The following GRM5 variants were observed in gnomAD, a reference collection of about 807,000 sequenced individuals.
The protein encoded by GRM5 is glutamate metabotropic receptor 5.
A neutral mutation model predicts 83.1 loss-of-function variants in GRM5; 19 were observed. That is an observed-to-expected ratio of 0.23 (90% CI 0.16 to 0.34). The LOEUF (loss-of-function observed/expected upper bound fraction) is 0.34, where lower values mean the gene tolerates loss of function less well. Among genes scored for constraint, GRM5 ranks in the 10% least tolerant of loss-of-function variants. The pLI, the probability that GRM5 is intolerant of heterozygous loss-of-function variation, is 1.00. For synonymous variants in GRM5, 675 were observed against 633.6 expected, an observed-to-expected ratio of 1.07 and a Z score of -0.98; for missense variants, 1,160 against 1,588.3, an observed-to-expected ratio of 0.73 and a Z score of 4.58.
At position 88,505,604 on chromosome 11, in the gene GRM5, C is replaced by T. The variant is rs1941164855; in HGVS notation, c.*2988G>A. The T allele has an allele frequency of 2.0e-5, 3 of 152,218 alleles. No homozygotes were observed. The highest frequency in any genetic ancestry group is 2.0e-4 in the Admixed American group (3 of 15,280). 9.4% of individuals were successfully genotyped at this position (152,218 alleles called of 1,614,324 possible). Reference sequence around the variant, plus strand: ...CCCTAGCCCAGAAAGACGGTTCTTCCCAATCCAGATATGTTCTTCTTAGGC... The same window carrying T: ...CCCTAGCCCAGAAAGACGGTTCTTCTCAATCCAGATATGTTCTTCTTAGGC... On this transcript the variant is annotated 3_prime_UTR_variant, in exon 10 of 10. Transcript: ENST00000305447.
At chr11:88,819,577 T>C (rs1943750566) in intron 3 of GRM5, among the ~76,000 whole-genome samples, 1 of 152,244 alleles carries the variant, frequency 6.6e-6, no homozygotes, top group African/African-American at 2.4e-5. Flanking sequence ...GGCAATAGCA[T>C]GATTTGTCAT....
intron 3 of GRM5, among the ~76,000 whole-genome samples, chr11:88,717,867 A>G (rs995217403): frequency 1.1e-4 from 2 of 18,954 alleles, no homozygotes; most frequent in African/African-American, 1.9e-4. Flanking sequence ...TATAATAACT[A>G]TTTATAGTTA....
chr11:88,774,684 C>A (rs1942811438), intron 3 of GRM5, among the ~76,000 whole-genome samples: 1 of 152,174 alleles, frequency 6.6e-6, no homozygotes, highest in Admixed American at 6.5e-5. Context: ...TGATGAAGGT[C>A]TTTTCTGCAT....
chr11:88,786,349 C>A (rs944875749), intron 3 of GRM5, among the ~76,000 whole-genome samples: 5 of 152,080 alleles, frequency 3.3e-5, no homozygotes, highest in Admixed American at 1.3e-4. Context: ...GAGGTGGTAC[C>A]TCTGAGCTCA....
At chr11:88,990,720 A>G (rs1939933471) in intron 2 of GRM5, among the ~76,000 whole-genome samples, 2 of 151,496 alleles carry the variant, frequency 1.3e-5, no homozygotes, top group South Asian at 4.2e-4. Context: ...ACGCAAATCA[A>G]TAAACGTAAT....
intron 5 of GRM5, among the ~76,000 whole-genome samples, chr11:88,601,123 C>A (rs772265486): frequency 6.6e-6 from 1 of 152,128 alleles, no homozygotes; most frequent in African/African-American, 2.4e-5. Flanking sequence ...CTGAGATTTG[C>A]GTATGTCCTT....
chr11:88,946,718 A>T (rs1938294451), intron 2 of GRM5, among the ~76,000 whole-genome samples: 2 of 152,140 alleles, frequency 1.3e-5, no homozygotes, highest in South Asian at 4.1e-4. Flanking sequence ...TCTCTTCTGG[A>T]TCTGTCCATG....
Position 88,757,574 on chromosome 11 carries a change from AC to A in GRM5, c.911+92331del, listed in dbSNP as rs531185384. Among the ~76,000 whole-genome samples, 35 of 151,212 alleles carry A rather than the reference AC, an allele frequency of 2.3e-4. No homozygotes were observed. The South Asian group carries it at 6.9e-3, about 30-fold the overall frequency. ...ACAGACTTGTGCCCACCAGTGTCTC[AC>A]CCCCATCAATGTCCCACCCCCCTGC... is the stretch of plus-strand genomic sequence containing the variant. On this transcript the variant is annotated intron_variant, in intron 3 of 9. Transcript: ENST00000305447.
chr11:89,004,958 C>T (rs1940483745), intron 2 of GRM5, among the ~76,000 whole-genome samples: 1 of 152,186 alleles, frequency 6.6e-6, no homozygotes. Flanking sequence ...GGAAAAACAG[C>T]ATATGGGTTA....
intron 3 of GRM5, among the ~76,000 whole-genome samples, chr11:88,654,675 T>G (rs1205892752): frequency 6.6e-6 from 1 of 152,082 alleles, no homozygotes; most frequent in Non-Finnish European, 1.5e-5. Flanking sequence ...GGAAGAGATT[T>G]ACACTACCAA....
At chr11:88,540,838 C>T (rs1203431363) in intron 8 of GRM5, among the ~76,000 whole-genome samples, 1 of 152,010 alleles carries the variant, frequency 6.6e-6, no homozygotes, top group Non-Finnish European at 1.5e-5. Flanking sequence ...GCTCTGCCTC[C>T]TGGGTTCACG....
intron 4 of GRM5, among the ~76,000 whole-genome samples, chr11:88,614,735 C>G (rs2220674): frequency 2.0e-3 from 299 of 152,082 alleles, no homozygotes; most frequent in African/African-American, 6.8e-3. Context: ...CAAGATAGAC[C>G]TGCACAGCAG....
chr11:88,920,479 C>T (rs1428933668), intron 2 of GRM5, among the ~76,000 whole-genome samples: 2 of 147,564 alleles, frequency 1.4e-5, no homozygotes, highest in Non-Finnish European at 3.0e-5. Context: ...TAAATTCTAC[C>T]AAACACTTAT....
intron 1 of GRM5, among the ~76,000 whole-genome samples, chr11:89,055,298 G>A (rs979084514): frequency 2.0e-5 from 3 of 152,180 alleles, no homozygotes; most frequent in African/African-American, 7.2e-5. Context: ...GGCAATTGGA[G>A]TGACAGCAGT....
Position 88,597,231 on chromosome 11 carries a change from T to A in GRM5, c.1516A>T (p.Ile506Phe). Residue 506 changes from isoleucine to phenylalanine, a missense_variant, in exon 6 of 10, where the codon ATC becomes TTC. By Grantham distance (21) the Ile-to-Phe change is conservative. Around this residue, in one of 9 missense-constraint regions of GRM5, gnomAD observed 30 missense variants for 19.7 expected, o/e 1.52. Transcript: ENST00000305447. ...GGTTCACTGCACACAGATCTGATGA[T>A]GTTGCTTTTCTTGGACCATACTTCA... ...DDEVWSKKSNIIRSVCSEPCE... is the reference protein window; with the variant it reads ...DDEVWSKKSNFIRSVCSEPCE... 6.2e-7 allele frequency: 1 copy of A among 1,610,618 alleles called. No individual in the cohort carries two copies. The highest frequency in any genetic ancestry group is 1.1e-5 in the South Asian group (1 of 90,784).
intron 3 of GRM5, among the ~76,000 whole-genome samples, chr11:88,706,295 C>T (rs1941156521): frequency 6.6e-6 from 1 of 152,058 alleles, no homozygotes; most frequent in African/African-American, 2.4e-5. Flanking sequence ...CTCACCCTTC[C>T]TCACTCAAGA....
At chr11:88,795,143 T>C (rs192009812) in intron 3 of GRM5, among the ~76,000 whole-genome samples, 2 of 151,406 alleles carry the variant, frequency 1.3e-5, no homozygotes, top group African/African-American at 2.4e-5. Context: ...TTGAGAGGGA[T>C]TGAGATCTCC....
At chr11:88,833,451 G>A (rs1944034883) in intron 3 of GRM5, among the ~76,000 whole-genome samples, 1 of 151,698 alleles carries the variant, frequency 6.6e-6, no homozygotes, top group East Asian at 1.9e-4. Context: ...ACCCCAGTTA[G>A]AATGGCTATT....
chr11:88,659,106 A>G (rs759530112), intron 3 of GRM5, among the ~76,000 whole-genome samples: 6 of 152,192 alleles, frequency 3.9e-5, no homozygotes, highest in Non-Finnish European at 8.8e-5. Context: ...ATGAAGAGCC[A>G]TATTTATAAG....
Sources: gnomAD v4.1 joint callset for allele counts (sites outside exome capture counted in the v4.1 genomes callset) on GRCh38, gnomAD v4.1.1 for gene constraint, gnomAD v4.1.1 regional missense constraint, MANE v1.5 for transcripts, NCBI Gene and HGNC (gene_info 2026-07-23, HGNC 2026-07-21) for gene names.